Variants in ZZZ3 observed in about 807,000 individuals in gnomAD.
ZZZ3 encodes ZZ-type zinc finger-containing protein 3.
Under a neutral mutation model 95.2 loss-of-function variants are expected in ZZZ3, and 22 were observed. The observed-to-expected ratio is 0.23, with a 90% CI of 0.17 to 0.33. The LOEUF is 0.33. ZZZ3 is among the 10% of genes least tolerant of loss of function. The probability of loss-of-function intolerance (pLI) is 1.00; values close to 1 mark genes in which losing one functional copy is unlikely to be tolerated. For missense variants in ZZZ3, 885 were observed against 1,066.5 expected, an observed-to-expected ratio of 0.83 and a Z score of 2.37; for synonymous variants, 335 against 358.9, an observed-to-expected ratio of 0.93 and a Z score of 0.75.
At chr1:77,603,172 G>C (rs935918202) in intron 5 of ZZZ3, among the ~76,000 whole-genome samples, 2 of 151,866 alleles carry the variant, frequency 1.3e-5, no homozygotes, top group Non-Finnish European at 2.9e-5. Flanking sequence ...TTGATCTCCT[G>C]GGCTGAATCA....
rs558949115 is a variant in ZZZ3 at position 77,679,467 on chromosome 1, ATTTT to A, written c.-403+3114_-403+3117del. ...ACTACAGGCGTGCACTACCAGGCTA[ATTTT>A]TTTTCTTTTTTGGTAGAAACGTGGT... On this transcript the variant is annotated intron_variant, in intron 1 of 14. Coordinates refer to ENST00000370801, the MANE Select transcript of ZZZ3 (RefSeq NM_015534.6). Among the ~76,000 whole-genome samples, 575 of 151,790 alleles carry A rather than the reference ATTTT, an allele frequency of 3.8e-3. 1 individual carries two copies. Among genetic ancestry groups the A allele is most frequent in the Middle Eastern group, 0.014 (4 of 294 alleles).
intron 5 of ZZZ3, among the ~76,000 whole-genome samples, chr1:77,602,749 A>G (rs1050734192): frequency 1.6e-4 from 25 of 151,574 alleles, no homozygotes; most frequent in African/African-American, 6.1e-4. Context: ...GGGATTACAG[A>G]TGTGCATCAC....
chr1:77,629,665 CA>C (rs1341442730), intron 5 of ZZZ3, among the ~76,000 whole-genome samples: 3 of 152,052 alleles, frequency 2.0e-5, no homozygotes, highest in Non-Finnish European at 2.9e-5. Context: ...TGCTATCCTT[CA>C]AAAGATCTGG....
chr1:77,584,948 C>T (rs1188840299), intron 5 of ZZZ3: 2 of 193,168 alleles, frequency 1.0e-5, no homozygotes, highest in Admixed American at 5.9e-5. Flanking sequence ...CAATCAAAGT[C>T]GTTAAGAAAC....
At chr1:77,577,867 C>A (rs1458555232) in intron 11 of ZZZ3, among the ~76,000 whole-genome samples, 2 of 152,182 alleles carry the variant, frequency 1.3e-5, no homozygotes, top group East Asian at 1.9e-4. Context: ...GATCCACCCG[C>A]CTCGGCCTCC....
chr1:77,650,769 A>G (rs537624434), intron 1 of ZZZ3, among the ~76,000 whole-genome samples: 1 of 152,260 alleles, frequency 6.6e-6, no homozygotes, highest in East Asian at 1.9e-4. Context: ...AGAAAAATCA[A>G]TGAACCAAAA....
At chr1:77,665,885 A>T (rs1671203295) in intron 1 of ZZZ3, among the ~76,000 whole-genome samples, 1 of 152,016 alleles carries the variant, frequency 6.6e-6, no homozygotes, top group Non-Finnish European at 1.5e-5. Context: ...CCACTAAGAT[A>T]AAAAAATCAG....
At chr1:77,656,485 A>T (rs1345160748) in intron 1 of ZZZ3, among the ~76,000 whole-genome samples, 2 of 152,228 alleles carry the variant, frequency 1.3e-5, no homozygotes, top group Non-Finnish European at 2.9e-5. Flanking sequence ...AAAATAATCT[A>T]AAGGAGACGG....
In ZZZ3 at chr1:77,568,624, C is replaced by T. The variant is rs1021397372; in HGVS notation, c.2332-158G>A. Among the ~76,000 whole-genome samples the T allele has an allele frequency of 4.1e-5, 6 of 147,138 alleles. No homozygotes were observed. In the South Asian group the frequency reaches 1.3e-3, roughly 32 times the overall value. ...TTAGTGCTGTTATTAGCAGTATTTT[C>T]CACTAATGCTTTTGGACTTTTTTTT... On this transcript the variant is annotated intron_variant, in intron 12 of 14. Coordinates refer to ENST00000370801, the MANE Select transcript of ZZZ3 (RefSeq NM_015534.6).
chr1:77,623,826 CTA>C (rs1306107418), intron 5 of ZZZ3, among the ~76,000 whole-genome samples: 1 of 152,002 alleles, frequency 6.6e-6, no homozygotes, highest in Admixed American at 6.6e-5. Context: ...CAGATTTTCC[CTA>C]TGTTAAAATC....
At chr1:77,602,337 T>C (rs940319868) in intron 5 of ZZZ3, among the ~76,000 whole-genome samples, 3 of 152,214 alleles carry the variant, frequency 2.0e-5, no homozygotes, top group African/African-American at 7.2e-5. Context: ...TATTCTTCTA[T>C]GTATTTATCT....
chr1:77,683,221 C>G (rs1672974910), upstream of ZZZ3: 2 of 150,298 alleles, frequency 1.3e-5, no homozygotes, highest in African/African-American at 4.9e-5. Flanking sequence ...TCTCCCTCCC[C>G]CGTGTCTGGC....
Position 77,581,857 on chromosome 1 carries a change from A to T in ZZZ3, c.1827T>A (p.Asp609Glu). ...AAAGGGACTCTCCATCCTTCTTAGG[A>T]TCTAAAGGACTTTTTGGTCTAGCAG... ...GLPARPKSPL[D>E]PKKDGESLSY... Residue 609 changes from aspartate (D) to glutamate (E), a missense_variant, in exon 8 of 15, where the codon GAT becomes GAA. Coordinates refer to ENST00000370801, the MANE Select transcript of ZZZ3 (RefSeq NM_015534.6). 1 of 1,614,082 alleles carries T rather than the reference A, an allele frequency of 6.2e-7. No homozygotes were observed. The highest frequency in any genetic ancestry group is 1.1e-5 in the South Asian group (1 of 91,078).
Position 77,641,431 on chromosome 1 carries a change from T to C in ZZZ3, c.-253A>G, listed in dbSNP as rs1425378701. 2.5e-5 allele frequency: 10 copies of C among 396,052 alleles called. No homozygotes were observed. Among genetic ancestry groups the C allele is most frequent in the East Asian group, 3.6e-5 (1 of 27,890 alleles). The allele number at this position is 396,052 out of a possible 1,614,324, so 24.5% of individuals were successfully genotyped here. ...GATAGACAGGATCCTGCAGTGTTTC[T>C]TAAAAGCCTGATACACTGAAAAAGA... On this transcript the variant is annotated 5_prime_UTR_variant, in exon 3 of 15. Coordinates refer to ENST00000370801, the MANE Select transcript of ZZZ3 (RefSeq NM_015534.6).
chr1:77,570,166 G>C (rs1321959344), intron 12 of ZZZ3, among the ~76,000 whole-genome samples: 1 of 152,114 alleles, frequency 6.6e-6, no homozygotes, highest in Non-Finnish European at 1.5e-5. Context: ...GCAGTGGCGC[G>C]ATCTTGGCTC....
At chr1:77,614,635 T>A (rs1245412482) in intron 5 of ZZZ3, among the ~76,000 whole-genome samples, 1 of 152,112 alleles carries the variant, frequency 6.6e-6, no homozygotes, top group Non-Finnish European at 1.5e-5. Context: ...ACACTATATA[T>A]CACTTTTTTA....
At chr1:77,667,885 C>T (rs1326228119) in intron 1 of ZZZ3, among the ~76,000 whole-genome samples, 1 of 151,538 alleles carries the variant, frequency 6.6e-6, no homozygotes, top group African/African-American at 2.4e-5. Flanking sequence ...CCTGCCTCAG[C>T]CTCCAAGTAG....
chr1:77,644,988 C>T (rs1008570140), intron 1 of ZZZ3, among the ~76,000 whole-genome samples: 3 of 151,924 alleles, frequency 2.0e-5, no homozygotes, highest in East Asian at 1.9e-4. Context: ...TTTAAGAGAC[C>T]GAGGCAGAAG....
chr1:77,647,496 C>G (rs936973116), intron 1 of ZZZ3, among the ~76,000 whole-genome samples: 4 of 150,778 alleles, frequency 2.7e-5, no homozygotes, highest in Non-Finnish European at 5.9e-5. Flanking sequence ...TCCAGCCAGG[C>G]CAACCTAGTG....
Sources: gnomAD v4.1 joint callset for allele counts (sites outside exome capture counted in the v4.1 genomes callset) on GRCh38, gnomAD v4.1.1 for gene constraint, MANE v1.5 for transcripts, NCBI Gene and HGNC (gene_info 2026-07-23, HGNC 2026-07-21) for gene names.